The following RABEP1 variants were observed in gnomAD, a reference collection of about 807,000 sequenced individuals.
RABEP1 encodes the protein rab GTPase-binding effector protein 1.
RABEP1 carries 51 observed loss-of-function variants against 123.4 expected under a neutral mutation model. The observed-to-expected ratio is 0.41, with a 90% confidence interval of 0.33 to 0.52. RABEP1 has a LOEUF of 0.52. Among genes scored for constraint, RABEP1 ranks in the 20% least tolerant of loss-of-function variants. The pLI is 0.16. For synonymous variants in RABEP1, 347 were observed against 355.2 expected (o/e 0.98, Z 0.26); for missense variants, 888 against 996.3 (o/e 0.89, Z 1.46).
rs1238293595 is a variant in RABEP1, at chr17:5,282,502, C to T, written c.16C>T (p.Pro6Ser). The change falls in exon 1 of 18, where the codon CCG becomes TCG. Residue 6 changes from proline (P) to serine (S), a missense_variant. Coordinates refer to ENST00000537505, the MANE Select transcript of RABEP1 (RefSeq NM_004703.6). ...CCGCCTGGTCATGGCGCAGCCGGGC[C>T]CGGCTTCCCAGCCTGACGGTGAGGC... MAQPG[P>S]ASQPDVSLQQ... 1 of 1,276,342 alleles carries T rather than the reference C, an allele frequency of 7.8e-7. No individual in the cohort carries two copies. Among genetic ancestry groups the T allele is most frequent in the Non-Finnish European group, 9.9e-7 (1 of 1,010,250 alleles). The allele number at this position is 1,276,342 out of a possible 1,614,324, so 79.1% of individuals were successfully genotyped here.
intron 1 of RABEP1, among the ~76,000 whole-genome samples, chr17:5,296,199 G>A (rs180986070): frequency 1.3e-5 from 2 of 152,138 alleles, no homozygotes; most frequent in African/African-American, 4.8e-5. Context: ...GAATTTTTGC[G>A]ATTATATTCA....
intron 7 of RABEP1, among the ~76,000 whole-genome samples, chr17:5,352,737 A>C (rs893807297): frequency 3.3e-5 from 5 of 151,978 alleles, no homozygotes; most frequent in Admixed American, 1.3e-4. Context: ...AAGCTGAGGC[A>C]GGAGAATCAC....
intron 8 of RABEP1, among the ~76,000 whole-genome samples, chr17:5,355,517 ACCTG>A (rs1908940766): frequency 6.6e-6 from 1 of 152,092 alleles, no homozygotes; most frequent in Non-Finnish European, 1.5e-5. Context: ...CTGTAGCCAG[ACCTG>A]TGCACTTACT....
chr17:5,351,869 G>A (rs568129207), intron 7 of RABEP1, among the ~76,000 whole-genome samples: 5 of 152,142 alleles, frequency 3.3e-5, no homozygotes, highest in African/African-American at 1.2e-4. Flanking sequence ...GTTGTATTTT[G>A]TTCTTGAGTG....
At chr17:5,304,496 C>T (rs1468598716) in intron 1 of RABEP1, among the ~76,000 whole-genome samples, 3 of 151,672 alleles carry the variant, frequency 2.0e-5, no homozygotes, top group Non-Finnish European at 2.9e-5. Context: ...GCAGGAGGAT[C>T]GCTTGAACCC....
intron 7 of RABEP1, 46 bp downstream of exon 7, chr17:5,350,675 C>T: frequency 6.3e-7 from 1 of 1,589,716 alleles, no homozygotes; most frequent in Non-Finnish European, 8.6e-7. Flanking sequence ...AGTAATGTCC[C>T]CCACCACATG....
At chr17:5,315,211 C>T (rs1431405248) in intron 2 of RABEP1, among the ~76,000 whole-genome samples, 2 of 152,106 alleles carry the variant, frequency 1.3e-5, no homozygotes, top group Non-Finnish European at 2.9e-5. Context: ...GAAATGAAAA[C>T]AGAGTATATA....
chr17:5,354,487 A>C lies in RABEP1; in HGVS notation c.1092A>C (p.Glu364Asp), dbSNP rs578196087. ...QEESSAQLSNEEEHLDSTRGS... is the reference protein window; with the variant it reads ...QEESSAQLSNDEEHLDSTRGS... ...AATCTTCAGCCCAGTTATCAAATGA[A>C]GAGGTATAGTGAGTCTATAATTAAA... The change falls in exon 8 of 18, where the codon GAA becomes GAC. Residue 364 changes from glutamate to aspartate, a missense_variant. Transcript: ENST00000537505. The C allele has an allele frequency of 6.2e-7, 1 of 1,610,286 alleles. No individual in the cohort carries two copies. Among genetic ancestry groups the C allele is most frequent in the East Asian group, 2.2e-5 (1 of 44,698 alleles).
chr17:5,342,995 C>T (rs754266582), intron 5 of RABEP1, among the ~76,000 whole-genome samples: 2 of 152,138 alleles, frequency 1.3e-5, no homozygotes, highest in Non-Finnish European at 2.9e-5. Context: ...TGTGGTGGCT[C>T]GCGCCTGCCA....
At position 5,328,645 on chromosome 17, in the gene RABEP1, T is replaced by TAAAA. The variant is rs60062792; in HGVS notation, c.164-3281_164-3278dup. On this transcript the variant is annotated intron_variant, in intron 2 of 17. Coordinates refer to ENST00000537505, the MANE Select transcript of RABEP1 (RefSeq NM_004703.6). ...TGGGCGATAGAGTGAGACGCTGTGTTAAAAAAAAAAAAAAAAAAAAAAAAA... is the reference window on the plus strand; with the variant it reads ...TGGGCGATAGAGTGAGACGCTGTGTTAAAAAAAAAAAAAAAAAAAAAAAAAAAAA... 2.8e-4 allele frequency among the ~76,000 whole-genome samples: 15 copies of TAAAA among 54,122 alleles called. 1 individual carries two copies. The highest frequency in any genetic ancestry group is 5.5e-4 in the Admixed American group (2 of 3,638). The allele number at this position is 54,122 out of a possible 152,430, so 35.5% of individuals were successfully genotyped here. A position where few individuals can be genotyped will look rare whatever the true frequency, so the allele number is the denominator to read the frequency against.
Position 5,361,580 on chromosome 17 carries a change from C to G in RABEP1, c.1468C>G (p.Leu490Val), listed in dbSNP as rs762417705. Residue 490 changes from leucine to valine, a missense_variant, in exon 9 of 18, where the codon CTC (leucine) becomes GTC (valine). By Grantham distance (32) the Leu-to-Val change is conservative. Transcript: ENST00000537505. ...AGAACAAGAAGAGACAGCGTCCCTCCTCTCCAGCGTTACCCAGGGCATGGA... is the reference window on the plus strand; with the variant it reads ...AGAACAAGAAGAGACAGCGTCCCTCGTCTCCAGCGTTACCCAGGGCATGGA... ...TPEQEETASLLSSVTQGMESA... is the reference protein window; with the variant it reads ...TPEQEETASLVSSVTQGMESA... 6.2e-7 allele frequency: 1 copy of G among 1,614,208 alleles called. No homozygotes were observed. Among genetic ancestry groups the G allele is most frequent in the Non-Finnish European group, 8.5e-7 (1 of 1,180,034 alleles).
chr17:5,351,487 A>G (rs188077019), intron 7 of RABEP1, among the ~76,000 whole-genome samples: 138 of 152,246 alleles, frequency 9.1e-4, no homozygotes, highest in African/African-American at 3.2e-3. Flanking sequence ...TTACACAACT[A>G]TAGTTATACT....
chr17:5,347,358 C>T (rs2144639547), intron 6 of RABEP1, among the ~76,000 whole-genome samples: 1 of 152,264 alleles, frequency 6.6e-6, no homozygotes, highest in East Asian at 1.9e-4. Flanking sequence ...TGCGGTGAGC[C>T]AAGCTCACAC....
chr17:5,339,426 T>A (rs1175350448), intron 5 of RABEP1, among the ~76,000 whole-genome samples: 1 of 152,174 alleles, frequency 6.6e-6, no homozygotes, highest in African/African-American at 2.4e-5. Flanking sequence ...GGAGAATTAC[T>A]TCAACCCAAA....
At chr17:5,299,883 C>T (rs963040272) in intron 1 of RABEP1, among the ~76,000 whole-genome samples, 32 of 151,614 alleles carry the variant, frequency 2.1e-4, no homozygotes, top group African/African-American at 7.8e-4. Flanking sequence ...GCTCCTGCCA[C>T]CATGCCCGGC....
At chr17:5,317,647 A>ATATATATATATG (rs1567878430) in intron 2 of RABEP1, among the ~76,000 whole-genome samples, 3 of 140,660 alleles carry the variant, frequency 2.1e-5, no homozygotes, top group East Asian at 2.1e-4. Context: ...ATATATATAT[A>ATATATATATATG]TGTAGTTTTC....
chr17:5,370,251 T>G (rs533412127), intron 12 of RABEP1, among the ~76,000 whole-genome samples: 2 of 152,326 alleles, frequency 1.3e-5, no homozygotes, highest in East Asian at 3.9e-4. Context: ...ACGTATGTCT[T>G]GGTTTGTGTT....
intron 13 of RABEP1, among the ~76,000 whole-genome samples, chr17:5,375,226 C>A (rs747454849): frequency 1.2e-3 from 174 of 147,484 alleles, no homozygotes; most frequent in Non-Finnish European, 1.5e-3. Flanking sequence ...ATTAACATGA[C>A]TGTTATTTTT....
chr17:5,286,648 C>G (rs1273927880), intron 1 of RABEP1, among the ~76,000 whole-genome samples: 1 of 152,130 alleles, frequency 6.6e-6, no homozygotes, highest in Non-Finnish European at 1.5e-5. Flanking sequence ...TTAGATAATC[C>G]TATAGACACA....
Sources: allele counts gnomAD v4.1 joint callset (sites outside exome capture counted in the v4.1 genomes callset), GRCh38; gene constraint gnomAD v4.1.1; transcripts MANE v1.5; gene names NCBI Gene and HGNC (gene_info 2026-07-23, HGNC 2026-07-21).